Variants in SLC23A2 observed in about 807,000 individuals in gnomAD.
SLC23A2 encodes the protein solute carrier family 23 member 2.
Under a neutral mutation model 73.3 loss-of-function variants are expected in SLC23A2, and 36 were observed. That is an observed-to-expected ratio of 0.49 (90% CI 0.38 to 0.65). SLC23A2 has a LOEUF of 0.65. Ranked by LOEUF, SLC23A2 falls within the 30% of genes least tolerant of loss-of-function variation. The pLI, the probability that SLC23A2 is intolerant of heterozygous loss-of-function variation, is 0.00. For synonymous variants in SLC23A2, 343 were observed against 327.3 expected (o/e 1.05, Z -0.52); for missense variants, 507 against 841.6 (o/e 0.60, Z 4.92).
At chr20:4,922,464 C>A in intron 3 of SLC23A2, among the ~76,000 whole-genome samples, 1 of 152,134 alleles carries the variant, frequency 6.6e-6, no homozygotes, top group East Asian at 1.9e-4. Flanking sequence ...TTAGCAAGAG[C>A]AGAACAAACA....
In SLC23A2 at chr20:4,927,151, G is replaced by A. The variant is rs774754486; in HGVS notation, c.108+5304C>T. ...CACGTGTGGCTATGGAGTACTTGAC[G>A]AGTGCAACTAACGAAGTGAATTTCA... On this transcript the variant is annotated intron_variant, in intron 3 of 16. Transcript: ENST00000338244. Among the ~76,000 whole-genome samples, 4 of 152,078 alleles carry A rather than the reference G, an allele frequency of 2.6e-5. No individual in the cohort carries two copies. The East Asian group carries it at 5.8e-4, about 22-fold the overall frequency.
chr20:4,992,875 A>G (rs1163086811), intron 1 of SLC23A2, among the ~76,000 whole-genome samples: 2 of 152,126 alleles, frequency 1.3e-5, no homozygotes, highest in African/African-American at 4.8e-5. Flanking sequence ...AAAAATGCAA[A>G]TCTTAACACA....
intron 6 of SLC23A2, among the ~76,000 whole-genome samples, chr20:4,895,556 C>T (rs751468469): frequency 5.3e-5 from 8 of 152,054 alleles, no homozygotes; most frequent in Non-Finnish European, 8.8e-5. Flanking sequence ...TAAAATTAGG[C>T]GAAATATATC....
At chr20:5,008,796 G>A (rs570950812) in intron 1 of SLC23A2, among the ~76,000 whole-genome samples, 1 of 151,732 alleles carries the variant, frequency 6.6e-6, no homozygotes, top group South Asian at 2.1e-4. Context: ...CGAACTCCTG[G>A]GCTCAAGTGA....
At chr20:4,864,857 C>T (rs1233160317) in intron 13 of SLC23A2, among the ~76,000 whole-genome samples, 4 of 152,218 alleles carry the variant, frequency 2.6e-5, no homozygotes, top group South Asian at 2.1e-4. Flanking sequence ...CTGGCAGGGT[C>T]GGGCAGGCCT....
chr20:4,873,732 G>A (rs1204663420), intron 11 of SLC23A2: 4 of 481,080 alleles, frequency 8.3e-6, no homozygotes, highest in East Asian at 3.5e-5. Context: ...GCTAATGTGA[G>A]AAGGGAGCCG....
rs953222347 is a variant in SLC23A2, at chr20:4,870,243, C to T, written c.1103-190G>A. On this transcript the variant is annotated intron_variant, in intron 11 of 16. Transcript: ENST00000338244. The stretch of plus-strand genomic sequence containing the variant: ...GGACAGTTGCTAAGTCAGATGAAGG[C>T]GGCCATAATGAGGACTGATGTGCAC... Among the ~76,000 whole-genome samples the T allele has an allele frequency of 6.6e-5, 10 of 152,100 alleles. No homozygotes were observed. In the South Asian group the frequency reaches 8.3e-4, roughly 13 times the overall value.
At chr20:4,972,323 TC>T (rs2087573425) in intron 1 of SLC23A2, among the ~76,000 whole-genome samples, 1 of 151,176 alleles carries the variant, frequency 6.6e-6, no homozygotes, top group South Asian at 2.1e-4. Flanking sequence ...CTGGTACCAG[TC>T]CAGCCTTCAA....
At chr20:4,887,090 G>A (rs1931131583) in intron 6 of SLC23A2, among the ~76,000 whole-genome samples, 2 of 152,174 alleles carry the variant, frequency 1.3e-5, no homozygotes, top group Non-Finnish European at 2.9e-5. Flanking sequence ...TCCAGAGTAG[G>A]AAGGGTGCTG....
At chr20:4,978,932 T>A (rs1288042753) in intron 1 of SLC23A2, among the ~76,000 whole-genome samples, 2 of 152,156 alleles carry the variant, frequency 1.3e-5, no homozygotes, top group Non-Finnish European at 2.9e-5. Flanking sequence ...AAGGCTATTA[T>A]CTAAGTATGA....
chr20:4,922,037 T>C (rs989366157), intron 3 of SLC23A2, among the ~76,000 whole-genome samples: 24 of 152,296 alleles, frequency 1.6e-4, no homozygotes, highest in African/African-American at 5.5e-4. Flanking sequence ...TATCAAATCC[T>C]AGCAAGAATG....
intron 2 of SLC23A2, among the ~76,000 whole-genome samples, chr20:4,964,977 G>T (rs6133181): frequency 4.6e-5 from 7 of 151,430 alleles, no homozygotes; most frequent in South Asian, 2.1e-4. Context: ...ATTATATGTG[G>T]TTTTTTTTCC....
At chr20:4,878,074 C>T (rs1475658732) in intron 9 of SLC23A2, among the ~76,000 whole-genome samples, 1 of 152,208 alleles carries the variant, frequency 6.6e-6, no homozygotes, top group East Asian at 1.9e-4. Flanking sequence ...ATGGCTACTC[C>T]TATCACACCC....
intron 3 of SLC23A2, among the ~76,000 whole-genome samples, chr20:4,926,742 G>A (rs1403117229): frequency 6.6e-6 from 1 of 152,046 alleles, no homozygotes; most frequent in East Asian, 1.9e-4. Context: ...CTTTGACCTA[G>A]TGGACATTCT....
At chr20:4,894,007 A>G (rs1012557491) in intron 6 of SLC23A2, among the ~76,000 whole-genome samples, 6 of 152,282 alleles carry the variant, frequency 3.9e-5, no homozygotes, top group African/African-American at 1.4e-4. Flanking sequence ...GAGGTGCCAC[A>G]AAAGAATGAC....
At chr20:4,974,851 G>C (rs1204298271) in intron 1 of SLC23A2, among the ~76,000 whole-genome samples, 9 of 152,166 alleles carry the variant, frequency 5.9e-5, no homozygotes, top group Non-Finnish European at 1.3e-4. Flanking sequence ...GCAGTAGCGT[G>C]ATCTCAGCTC....
intron 6 of SLC23A2, among the ~76,000 whole-genome samples, chr20:4,893,829 T>A (rs1212197673): frequency 1.3e-5 from 2 of 151,930 alleles, no homozygotes; most frequent in African/African-American, 4.8e-5. Context: ...GAGGTCAGAG[T>A]GATGCTTCTA....
intron 6 of SLC23A2, among the ~76,000 whole-genome samples, chr20:4,895,034 C>T (rs117220815): frequency 0.013 from 2,002 of 152,324 alleles, 17 homozygotes; most frequent in South Asian, 0.042. Flanking sequence ...CAACATCCAG[C>T]GTGACAGAAA....
chr20:4,962,484 A>T (rs1345622107), intron 2 of SLC23A2, among the ~76,000 whole-genome samples: 1 of 152,228 alleles, frequency 6.6e-6, no homozygotes, highest in Non-Finnish European at 1.5e-5. Flanking sequence ...CAGGGTGTGT[A>T]GACACACTCC....
Sources: gnomAD v4.1 joint callset for allele counts (sites outside exome capture counted in the v4.1 genomes callset) on GRCh38, gnomAD v4.1.1 for gene constraint, MANE v1.5 for transcripts, NCBI Gene and HGNC (gene_info 2026-07-23, HGNC 2026-07-21) for gene names.